The following RIMS4 variants were observed in gnomAD, a reference collection of about 807,000 sequenced individuals.
RIMS4 encodes the protein regulating synaptic membrane exocytosis 4.
RIMS4 carries 9 observed loss-of-function variants against 29.0 expected under a neutral mutation model. The observed-to-expected ratio is 0.31, with a 90% confidence interval of 0.19 to 0.54. The LOEUF (loss-of-function observed/expected upper bound fraction) is 0.54. Among genes scored for constraint, RIMS4 ranks in the 20% least tolerant of loss-of-function variants. The pLI is 0.94. For missense variants in RIMS4, 193 were observed against 365.7 expected (o/e 0.53, Z 3.85); for synonymous variants, 130 against 152.9 (o/e 0.85, Z 1.10).
chr20:44,780,040 A>AAGG (rs1568900767), intron 1 of RIMS4, among the ~76,000 whole-genome samples: 1 of 152,226 alleles, frequency 6.6e-6, no homozygotes, highest in Non-Finnish European at 1.5e-5. Flanking sequence ...ACAGGACAGG[A>AAGG]AGGAGGGGAA....
chr20:44,776,038 A>G (rs562862861), intron 1 of RIMS4, among the ~76,000 whole-genome samples: 1 of 135,386 alleles, frequency 7.4e-6, no homozygotes, highest in South Asian at 2.1e-4. Flanking sequence ...CAGCACTTTG[A>G]AAGACCCAGG....
rs540336365 is a variant in RIMS4, at chr20:44,767,027, T to A, written c.236+4248A>T. Among the ~76,000 whole-genome samples, 6 of 152,314 alleles carry A rather than the reference T, an allele frequency of 3.9e-5. 1 individual carries two copies. The South Asian group carries it at 1.2e-3, about 32-fold the overall frequency. On this transcript the variant is annotated intron_variant, in intron 2 of 5. Transcript: ENST00000372851. ...CATGTTTCACATGGGTTCCGAGAGT[T>A]CCCCATCAGGATTGGCTCTGGTTGC... is the stretch of plus-strand genomic sequence containing the variant.
intron 1 of RIMS4, among the ~76,000 whole-genome samples, chr20:44,787,215 G>A (rs1215068643): frequency 2.0e-5 from 3 of 152,086 alleles, no homozygotes; most frequent in African/African-American, 7.2e-5. Context: ...TGTGAGATGA[G>A]GTTTGAGATG....
chr20:44,765,501 G>C (rs945363339), intron 2 of RIMS4, among the ~76,000 whole-genome samples: 1 of 152,172 alleles, frequency 6.6e-6, no homozygotes, highest in Non-Finnish European at 1.5e-5. Context: ...AGAAATACTA[G>C]TGCTTATAAA....
chr20:44,756,913 C>T lies in RIMS4; in HGVS notation c.576G>A (p.Gln192=). Residue 192 remains glutamine (Q), a synonymous_variant, in exon 5 of 6, where the codon CAG becomes CAA. Coordinates refer to ENST00000372851, the MANE Select transcript of RIMS4 (RefSeq NM_182970.4). The surrounding 1 kb of genome is among the most constrained non-coding windows in gnomAD (Gnocchi z 5.9). ...NQVLLFPESP[Q]GKVLQVIVWG... ...TGCCCCTCACCTGGAGGACTTTGCC[C>T]TGGGGACTCTCAGGAAACAGCAGCA... 6.2e-7 allele frequency: 1 copy of T among 1,614,014 alleles called. No homozygotes were observed. The highest frequency in any genetic ancestry group is 8.5e-7 in the Non-Finnish European group (1 of 1,179,924).
intron 2 of RIMS4, among the ~76,000 whole-genome samples, chr20:44,758,965 C>T (rs1601017565): frequency 6.6e-6 from 1 of 152,178 alleles, no homozygotes; most frequent in African/African-American, 2.4e-5. Flanking sequence ...CTTTTGGTTA[C>T]GTTAAGTCAA....
chr20:44,802,627 G>A (rs772171757), intron 1 of RIMS4, among the ~76,000 whole-genome samples: 1 of 152,158 alleles, frequency 6.6e-6, no homozygotes, highest in African/African-American at 2.4e-5. Context: ...AGGAAGCTGC[G>A]TTATGCATGT....
At position 44,755,725 on chromosome 20, in the gene RIMS4, C is replaced by T. The variant is rs1469967702; in HGVS notation, c.*409G>A. ...TGAACCCGGTGCCGCAGGAAAGACACTTGCTGGTAATTGGCACCATGGAGA... is the reference window on the plus strand; with the variant it reads ...TGAACCCGGTGCCGCAGGAAAGACATTTGCTGGTAATTGGCACCATGGAGA... On this transcript the variant is annotated 3_prime_UTR_variant, in exon 6 of 6. Coordinates refer to ENST00000372851, the MANE Select transcript of RIMS4 (RefSeq NM_182970.4). 6.1e-6 allele frequency: 1 copy of T among 165,216 alleles called. No homozygotes were observed. 10.2% of individuals were successfully genotyped at this position (165,216 alleles called of 1,614,324 possible).
chr20:44,796,162 C>G (rs945548237), intron 1 of RIMS4, among the ~76,000 whole-genome samples: 8 of 151,932 alleles, frequency 5.3e-5, no homozygotes, highest in Non-Finnish European at 1.2e-4. Context: ...GTCCCCCTCC[C>G]TGTGCCCCCC....
intron 1 of RIMS4, among the ~76,000 whole-genome samples, chr20:44,781,596 G>A (rs886503206): frequency 4.3e-4 from 66 of 152,286 alleles, no homozygotes; most frequent in African/African-American, 1.4e-3. Flanking sequence ...CAGATGCAGA[G>A]TAAATGCATT....
chr20:44,767,444 G>A (rs557631141), intron 2 of RIMS4, among the ~76,000 whole-genome samples: 37 of 152,200 alleles, frequency 2.4e-4, no homozygotes, highest in African/African-American at 8.7e-4. Context: ...CCCTTCCCCA[G>A]CCCCAGGGGA....
chr20:44,785,740 C>T (rs1023801775), intron 1 of RIMS4, among the ~76,000 whole-genome samples: 10 of 149,606 alleles, frequency 6.7e-5, no homozygotes, highest in African/African-American at 2.2e-4. Flanking sequence ...GGGGATGATA[C>T]ATAGGTTTTC....
Position 44,799,386 on chromosome 20 carries a change from C to T in RIMS4, c.97+10789G>A, listed in dbSNP as rs144694263. Among the ~76,000 whole-genome samples, 50 of 152,170 alleles carry T rather than the reference C, an allele frequency of 3.3e-4. 1 individual carries two copies. The highest frequency in any genetic ancestry group is 4.2e-4 in the South Asian group (2 of 4,814). ...GCTGCCCAGTTTGGGGGTCCCTCTG[C>T]GAGGACTTAGCATGCCCAGTAGAAG... is the stretch of plus-strand genomic sequence containing the variant. On this transcript the variant is annotated intron_variant, in intron 1 of 5. Transcript: ENST00000372851.
intron 1 of RIMS4, among the ~76,000 whole-genome samples, chr20:44,786,033 G>A (rs556884550): frequency 5.9e-5 from 9 of 152,274 alleles, no homozygotes; most frequent in African/African-American, 2.2e-4. Flanking sequence ...ACTGGGCAAA[G>A]AGAAGTCTGT....
At chr20:44,806,316 C>G (rs964525200) in intron 1 of RIMS4, among the ~76,000 whole-genome samples, 1 of 152,206 alleles carries the variant, frequency 6.6e-6, no homozygotes, top group African/African-American at 2.4e-5. Context: ...AAACTTGAGA[C>G]ACCCCAGCTC....
rs757028960 is a variant in RIMS4 at position 44,756,850 on chromosome 20, T to C, written c.591+48A>G. 25 of 1,599,028 alleles carry C rather than the reference T, an allele frequency of 1.6e-5. No individual in the cohort carries two copies. In the Admixed American group the frequency reaches 3.5e-4, roughly 23 times the overall value. On this transcript the variant is annotated intron_variant, in intron 5 of 5. Transcript: ENST00000372851. The surrounding 1 kb of genome is among the most constrained non-coding windows in gnomAD (Gnocchi z 5.9). The stretch of plus-strand genomic sequence containing the variant: ...CCTCCTCTCATTCTGGTACTGTGCA[T>C]GTGTGCTCGTGCACACACACACACG...
At chr20:44,760,018 T>C (rs1039340920) in intron 2 of RIMS4, among the ~76,000 whole-genome samples, 1 of 152,032 alleles carries the variant, frequency 6.6e-6, no homozygotes, top group Non-Finnish European at 1.5e-5. Flanking sequence ...CAGCAGGAGG[T>C]AGAGAGCAAG....
At chr20:44,808,682 T>A (rs1374971058) in intron 1 of RIMS4, among the ~76,000 whole-genome samples, 1 of 152,152 alleles carries the variant, frequency 6.6e-6, no homozygotes, top group African/African-American at 2.4e-5. Context: ...CATCCCCACC[T>A]CCAGGTCAAT....
chr20:44,769,034 C>T (rs1036719303), intron 2 of RIMS4, among the ~76,000 whole-genome samples: 2 of 152,160 alleles, frequency 1.3e-5, no homozygotes, highest in African/African-American at 4.8e-5. Flanking sequence ...AGAAACTGGG[C>T]TCAGAGAGGT....
Sources: allele counts gnomAD v4.1 joint callset (sites outside exome capture counted in the v4.1 genomes callset), GRCh38; gene constraint gnomAD v4.1.1; non-coding constraint Gnocchi (gnomAD v3.1); transcripts MANE v1.5; gene names NCBI Gene and HGNC (gene_info 2026-07-23, HGNC 2026-07-21).